Variants in NAV3 observed in about 807,000 individuals in gnomAD.
The protein encoded by NAV3 is pore membrane and/or filament interacting like protein 1.
In NAV3, 87 loss-of-function variants were observed where a neutral mutation model predicts 244.7. That is an observed-to-expected ratio of 0.36 (90% CI 0.30 to 0.42). The LOEUF is 0.42. Among genes scored for constraint, NAV3 ranks in the 20% least tolerant of loss-of-function variants. The pLI is 1.00. For synonymous variants in NAV3, 1,126 were observed against 1,042.2 expected (o/e 1.08, Z -1.55); for missense variants, 2,663 against 2,893.3 (o/e 0.92, Z 1.83).
intron 7 of NAV3, among the ~76,000 whole-genome samples, chr12:78,003,306 T>C (rs1001117967): frequency 1.3e-5 from 2 of 152,138 alleles, no homozygotes; most frequent in Non-Finnish European, 2.9e-5. Flanking sequence ...TAATTATTTA[T>C]CAAAATAAGT....
At chr12:78,191,091 TCCCAGTTTCTCAGAAACCTG>T (rs1439704908) in intron 34 of NAV3, among the ~76,000 whole-genome samples, 5 of 152,140 alleles carry the variant, frequency 3.3e-5, no homozygotes, top group Non-Finnish European at 1.5e-5. Flanking sequence ...ATCTAAACTG[TCCCAGTTTCTCAGAAACCTG>T]AAATCTGCAA....
In NAV3 at chr12:78,175,313, C is replaced by T. The variant is rs2139647233; in HGVS notation, c.4989C>T (p.Arg1663=). The T allele has an allele frequency of 6.2e-7, 1 of 1,610,718 alleles. No homozygotes were observed. Among genetic ancestry groups the T allele is most frequent in the African/African-American group, 1.3e-5 (1 of 74,856 alleles). ...NGPDHPPKDL[R]IRRQHSSESV... is the part of the protein sequence containing the mutation. The stretch of plus-strand genomic sequence containing the variant: ...CTCTCCCTCTATTGCTAGATCTTCG[C>T]ATCAGAAGACAGCATTCCTCTGAAA... The change falls in exon 25 of 40, where the codon CGC becomes CGT. Residue 1663 remains arginine, a synonymous_variant. Coordinates refer to ENST00000397909, the MANE Select transcript of NAV3 (RefSeq NM_001024383.2).
intron 3 of NAV3, among the ~76,000 whole-genome samples, chr12:77,952,015 T>C (rs937076751): frequency 3.3e-5 from 5 of 150,352 alleles, no homozygotes; most frequent in African/African-American, 9.8e-5. Context: ...CATGTATACA[T>C]ATGTAACAAA....
At chr12:78,011,350 T>C (rs773797007) in intron 8 of NAV3, among the ~76,000 whole-genome samples, 2 of 152,168 alleles carry the variant, frequency 1.3e-5, no homozygotes, top group Admixed American at 1.3e-4. Context: ...ATCTCTGCCT[T>C]CTGGGAGCTC....
At chr12:78,078,763 A>G (rs1055239516) in intron 12 of NAV3, among the ~76,000 whole-genome samples, 10 of 152,090 alleles carry the variant, frequency 6.6e-5, no homozygotes, top group Admixed American at 1.3e-4. Context: ...ATAATAGACA[A>G]CTAGAACTGC....
At chr12:78,099,668 T>A (rs1199912711) in intron 12 of NAV3, among the ~76,000 whole-genome samples, 2 of 151,954 alleles carry the variant, frequency 1.3e-5, no homozygotes, top group Non-Finnish European at 2.9e-5. Context: ...TTCAACTATA[T>A]AACAGCATCT....
intron 12 of NAV3, among the ~76,000 whole-genome samples, chr12:78,080,301 G>A (rs1344748924): frequency 6.6e-6 from 1 of 152,080 alleles, no homozygotes; most frequent in Non-Finnish European, 1.5e-5. Context: ...AGAAAGACTA[G>A]GTCAAGCATT....
chr12:77,597,383 C>T (rs1189649722), intron 2 of NAV3, among the ~76,000 whole-genome samples: 1 of 152,056 alleles, frequency 6.6e-6, no homozygotes, highest in Admixed American at 6.6e-5. Context: ...TTGATATCCT[C>T]AGTGCAGATG....
chr12:77,801,440 G>A (rs1015704684), intron 2 of NAV3, among the ~76,000 whole-genome samples: 2 of 151,956 alleles, frequency 1.3e-5, no homozygotes, highest in African/African-American at 4.8e-5. Flanking sequence ...CACTATACAT[G>A]CTGAGAAAGA....
chr12:77,904,879 G>A (rs1177301592), intron 1 of NAV3, among the ~76,000 whole-genome samples: 1 of 151,596 alleles, frequency 6.6e-6, no homozygotes, highest in Non-Finnish European at 1.5e-5. Flanking sequence ...CTTTATCTGT[G>A]TCAGAGTTGG....
chr12:77,919,725 T>A (rs1887521021), intron 1 of NAV3, among the ~76,000 whole-genome samples: 1 of 152,088 alleles, frequency 6.6e-6, no homozygotes, highest in Non-Finnish European at 1.5e-5. Context: ...ATAGGCATGC[T>A]TTCATTGAGA....
At chr12:77,706,905 A>G (rs928922137) in intron 2 of NAV3, among the ~76,000 whole-genome samples, 1 of 143,552 alleles carries the variant, frequency 7.0e-6, no homozygotes, top group African/African-American at 2.7e-5. Context: ...CAAAAAAAAA[A>G]AAACTAGGAA....
At chr12:77,887,919 AT>A (rs1014195677) in intron 1 of NAV3, among the ~76,000 whole-genome samples, 36 of 152,050 alleles carry the variant, frequency 2.4e-4, no homozygotes, top group African/African-American at 8.7e-4. Flanking sequence ...GCATTTAATT[AT>A]TTCAGTTTTT....
At chr12:77,663,335 G>C (rs1201930237) in intron 2 of NAV3, among the ~76,000 whole-genome samples, 1 of 152,128 alleles carries the variant, frequency 6.6e-6, no homozygotes, top group Non-Finnish European at 1.5e-5. Context: ...GTCAAAAACA[G>C]GTTTATGGAG....
At chr12:77,984,302 G>A (rs1870084582) in intron 5 of NAV3, among the ~76,000 whole-genome samples, 1 of 152,190 alleles carries the variant, frequency 6.6e-6, no homozygotes, top group Non-Finnish European at 1.5e-5. Context: ...TGTCCTGAAA[G>A]AGCCATGCTT....
chr12:77,787,978 A>C (rs1870985363), intron 2 of NAV3, among the ~76,000 whole-genome samples: 1 of 152,216 alleles, frequency 6.6e-6, no homozygotes, highest in Non-Finnish European at 1.5e-5. Context: ...ACAAACAAAA[A>C]AGGTGATTAA....
Position 77,687,952 on chromosome 12 carries a change from A to T in NAV3, c.72+115686A>T, listed in dbSNP as rs117054631. ...CTTGTTTTCAATGTGTACCATAAAG[A>T]TAAAATTGTTAGCATTTTGTATATA... On this transcript the variant is annotated intron_variant, in intron 2 of 8. Coordinates refer to the NAV3 transcript ENST00000550042. Among the ~76,000 whole-genome samples, 256 of 152,258 alleles carry T rather than the reference A, an allele frequency of 1.7e-3. No individual in the cohort carries two copies. The Middle Eastern group carries it at 0.031, about 18-fold the overall frequency.
intron 15 of NAV3, 101 bp downstream of exon 15, chr12:78,120,046 T>TGTTAGACAC: frequency 1.6e-6 from 1 of 630,882 alleles, no homozygotes; most frequent in Non-Finnish European, 2.3e-6. Flanking sequence ...TTTAAATATG[T>TGTTAGACAC]ATAAGGTATA....
intron 9 of NAV3, chr12:78,037,393 C>G: frequency 1.5e-6 from 1 of 688,488 alleles, no homozygotes; most frequent in Non-Finnish European, 2.7e-6. Context: ...TTAGGTAAGT[C>G]CAATTTGCTC....
Sources: allele counts gnomAD v4.1 joint callset (sites outside exome capture counted in the v4.1 genomes callset), GRCh38; gene constraint gnomAD v4.1.1; transcripts MANE v1.5; gene names NCBI Gene and HGNC (gene_info 2026-07-23, HGNC 2026-07-21).